WFDC1: variants seen among roughly 807,000 people sequenced by gnomAD.
WFDC1 encodes the protein WAP four-disulfide core domain protein 1.
Under a neutral mutation model 32.9 loss-of-function variants are expected in WFDC1, and 39 were observed. The ratio of observed to expected loss-of-function variants is 1.19; its 90% CI spans 0.92 to 1.55. The LOEUF (loss-of-function observed/expected upper bound fraction) is 1.55, where lower values mean the gene tolerates loss of function less well. Among genes scored for constraint, WFDC1 ranks in the 40% most tolerant of loss-of-function variants. The pLI is 0.00. For synonymous variants in WFDC1, 184 were observed against 137.4 expected, an observed-to-expected ratio of 1.34 and a Z score of -2.37; for missense variants, 386 against 309.5, an observed-to-expected ratio of 1.25 and a Z score of -1.85.
At chr16:84,318,222 G>C (rs187372) in intron 2 of WFDC1, 50 bp from the exon 3 acceptor site, 1 of 1,593,696 alleles carries the variant, frequency 6.3e-7, no homozygotes, top group African/African-American at 1.3e-5. Context: ...AAGCCTGGGC[G>C]TTTCTCAGCT....
chr16:84,309,693 C>T (rs1396965931), intron 1 of WFDC1, among the ~76,000 whole-genome samples: 2 of 151,576 alleles, frequency 1.3e-5, no homozygotes, highest in African/African-American at 2.4e-5. Flanking sequence ...TCAGCAGAGC[C>T]GCGCCCCCCC....
intron 4 of WFDC1, among the ~76,000 whole-genome samples, chr16:84,321,300 C>T (rs966405367): frequency 6.6e-6 from 1 of 152,198 alleles, no homozygotes; most frequent in Non-Finnish European, 1.5e-5. Context: ...AGTAAACAAC[C>T]TTCACTGTTT....
chr16:84,317,290 C>T (rs1908010321), intron 2 of WFDC1: 1 of 128,532 alleles, frequency 7.8e-6, no homozygotes, highest in Non-Finnish European at 1.6e-5. Context: ...AAGACTCTGT[C>T]TCAAAATAAA....
intron 1 of WFDC1, among the ~76,000 whole-genome samples, chr16:84,304,794 G>T (rs1223570479): frequency 1.3e-5 from 2 of 152,186 alleles, no homozygotes; most frequent in Non-Finnish European, 2.9e-5. Flanking sequence ...GGAGGGAAGG[G>T]CTGCAAAGAG....
Position 84,313,078 on chromosome 16 carries a change from GA to G in WFDC1, c.263del (p.Glu88GlyfsTer18). The G allele has an allele frequency of 1.4e-6, 2 of 1,423,212 alleles. No homozygotes were observed. Among genetic ancestry groups the G allele is most frequent in the Non-Finnish European group, 1.8e-6 (2 of 1,093,734 alleles). 88.2% of individuals were successfully genotyped at this position (1,423,212 alleles called of 1,614,324 possible). On this transcript the variant is annotated frameshift_variant, in exon 2 of 7. Coordinates refer to ENST00000219454, the MANE Select transcript of WFDC1 (RefSeq NM_021197.4). LOFTEE classifies it high-confidence loss of function. Reference protein sequence around the residue: ...CQAARCQADSECPRHRRCCYN... With the variant: ...CQAARCQADSXCPRHRRCCYN... ...GGCCGCGCGCTGTCAGGCGGACTCC[GA>G]GTGCCCGCGGCACCGGCGCTGCTGC...
chr16:84,311,875 A>C (rs532544755), intron 1 of WFDC1, among the ~76,000 whole-genome samples: 1 of 151,932 alleles, frequency 6.6e-6, no homozygotes, highest in East Asian at 1.9e-4. Flanking sequence ...ATTAAAACAT[A>C]ATACTTCGGG....
Position 84,318,347 on chromosome 16 carries a change from T to C in WFDC1, c.413T>C (p.Val138Ala), listed in dbSNP as rs777007165. 24 of 1,613,390 alleles carry C rather than the reference T, an allele frequency of 1.5e-5. No individual in the cohort carries two copies. Among genetic ancestry groups the C allele is most frequent in the African/African-American group, 8.0e-5 (6 of 74,764 alleles). Residue 138 changes from valine to alanine, a missense_variant, in exon 3 of 7, where the codon GTG (valine) becomes GCG (alanine). Coordinates refer to ENST00000219454, the MANE Select transcript of WFDC1 (RefSeq NM_021197.4). ...TGGCTCCTGGATGGCCCTGAGGAGG[T>C]GTTACAAGGTACCTGCCGGGTAAAG... ...NGWLLDGPEE[V>A]LQAEACSTTE...
intron 5 of WFDC1, chr16:84,326,554 T>C: frequency 3.5e-6 from 1 of 286,356 alleles, no homozygotes; most frequent in Non-Finnish European, 6.7e-6. Context: ...AAGCTCAGCC[T>C]AAAGAATAAG....
At chr16:84,303,021 C>CT (rs35785853) in intron 1 of WFDC1, among the ~76,000 whole-genome samples, 34,300 of 134,972 alleles carry the variant, frequency 0.25, 5,102 homozygotes, top group East Asian at 0.33. Flanking sequence ...TTCTTTCTTT[C>CT]TTTTTTTTTT....
intron 1 of WFDC1, among the ~76,000 whole-genome samples, chr16:84,307,809 A>G (rs1325885961): frequency 6.6e-6 from 1 of 152,188 alleles, no homozygotes. Flanking sequence ...ACATGGGTCC[A>G]ATGTAGTTAA....
At chr16:84,311,941 G>A (rs918346312) in intron 1 of WFDC1, among the ~76,000 whole-genome samples, 10 of 152,096 alleles carry the variant, frequency 6.6e-5, no homozygotes, top group Middle Eastern at 3.4e-3. Flanking sequence ...TGAGGCAGGC[G>A]GATCACCTGA....
chr16:84,310,111 C>T (rs368060915), intron 1 of WFDC1, among the ~76,000 whole-genome samples: 1 of 152,034 alleles, frequency 6.6e-6, no homozygotes, highest in African/African-American at 2.4e-5. Flanking sequence ...TCGAGGCCCT[C>T]CCTTGAAGGG....
At chr16:84,307,358 G>C (rs1907324252) in intron 1 of WFDC1, among the ~76,000 whole-genome samples, 1 of 152,178 alleles carries the variant, frequency 6.6e-6, no homozygotes, top group Admixed American at 6.5e-5. Context: ...TTCAAAACAT[G>C]TAATCCTTTA....
chr16:84,326,536 A>G, intron 5 of WFDC1: 1 of 246,622 alleles, frequency 4.1e-6, no homozygotes, highest in East Asian at 7.9e-5. Flanking sequence ...CCTAAGGAGG[A>G]GACATGAAAG....
chr16:84,302,368 A>T (rs564569126), intron 1 of WFDC1, among the ~76,000 whole-genome samples: 1 of 152,122 alleles, frequency 6.6e-6, no homozygotes, highest in Non-Finnish European at 1.5e-5. Context: ...ATTGCATGTT[A>T]TATATATTTT....
intron 4 of WFDC1, among the ~76,000 whole-genome samples, chr16:84,323,942 G>A (rs1345525037): frequency 1.3e-5 from 2 of 152,204 alleles, no homozygotes; most frequent in African/African-American, 2.4e-5. Flanking sequence ...CCAACATGGC[G>A]ATACCCCATC....
chr16:84,296,353 C>T (rs1906596419), intron 1 of WFDC1, among the ~76,000 whole-genome samples: 1 of 152,174 alleles, frequency 6.6e-6, no homozygotes. Flanking sequence ...CTAATGTGTG[C>T]CCCTGGTGCC....
In WFDC1 at chr16:84,318,264, T is replaced by TCAA. The variant is rs1908076612; in HGVS notation, c.338-8_338-7insCAA. ...GGAGGGCCCTGATCTGACCCCGTAT[T>TCAA]GTGTTAGTCTTAGACTGGCTGGTGC... On this transcript the variant is annotated splice_polypyrimidine_tract_variant and splice_region_variant and intron_variant, in intron 2 of 6. Coordinates refer to ENST00000219454, the MANE Select transcript of WFDC1 (RefSeq NM_021197.4). 1 of 1,613,946 alleles carries TCAA rather than the reference T, an allele frequency of 6.2e-7. No homozygotes were observed. The highest frequency in any genetic ancestry group is 1.7e-5 in the Admixed American group (1 of 60,004).
chr16:84,300,947 C>T (rs1357330830), intron 1 of WFDC1, among the ~76,000 whole-genome samples: 1 of 151,364 alleles, frequency 6.6e-6, no homozygotes, highest in Non-Finnish European at 1.5e-5. Context: ...TGCACTCCAG[C>T]CTGGGCGACA....
Sources: gnomAD v4.1 joint callset for allele counts (sites outside exome capture counted in the v4.1 genomes callset) on GRCh38, gnomAD v4.1.1 for gene constraint, MANE v1.5 for transcripts, NCBI Gene and HGNC (gene_info 2026-07-23, HGNC 2026-07-21) for gene names.